Variants in BAG4 observed in about 807,000 individuals in gnomAD.
The protein encoded by BAG4 is BAG cochaperone 4.
BAG4 carries 28 observed loss-of-function variants against 52.1 expected under a neutral mutation model. That is an observed-to-expected ratio of 0.54 (90% confidence interval 0.40 to 0.74). The LOEUF (loss-of-function observed/expected upper bound fraction) is 0.74, where lower values mean the gene tolerates loss of function less well. BAG4 is among the 30% of genes least tolerant of loss of function. BAG4 has a pLI of 0.00. For synonymous variants in BAG4, 208 were observed against 217.0 expected, an observed-to-expected ratio of 0.96 and a Z score of 0.37; for missense variants, 525 against 572.0, an observed-to-expected ratio of 0.92 and a Z score of 0.84.
chr8:38,206,451 G>A (rs1803770911), intron 2 of BAG4, among the ~76,000 whole-genome samples: 3 of 151,938 alleles, frequency 2.0e-5, no homozygotes, highest in Admixed American at 6.6e-5. Flanking sequence ...TATATGAGGA[G>A]TTTGTTGTTG....
intron 2 of BAG4, chr8:38,201,868 ATATATATATATATTTTTTTTTT>A (rs1473266652): frequency 2.5e-3 from 16 of 6,474 alleles, no homozygotes; most frequent in Non-Finnish European, 4.0e-3. Context: ...ATATATATAT[ATATATATATATATTTTTTTTTT>A]TTTTTTTTTT....
Position 38,210,255 on chromosome 8 carries a change from G to C in BAG4, c.1136G>C (p.Ser379Thr). 3 of 1,614,068 alleles carry C rather than the reference G, an allele frequency of 1.9e-6. No individual in the cohort carries two copies. Among genetic ancestry groups the C allele is most frequent in the South Asian group, 1.1e-5 (1 of 91,080 alleles). ...CCTTCAGATGAAAGTACTCCTCCGA[G>C]TATTAAAAAAATCATACATGTGCTG... is the stretch of plus-strand genomic sequence containing the variant. The part of the protein sequence containing the change: ...CVPSDESTPP[S>T]IKKIIHVLEK... Residue 379 changes from serine (S) to threonine (T), a missense_variant, in exon 5 of 5, where the codon AGT (serine) becomes ACT (threonine). By Grantham distance (58) the Ser-to-Thr change is moderately conservative (BLOSUM62 1). This residue lies in a region of BAG4 where 238 missense variants were observed against 305.8 expected (regional missense o/e 0.78). Coordinates refer to ENST00000287322, the MANE Select transcript of BAG4 (RefSeq NM_004874.4).
At chr8:38,196,033 G>A (rs1315954502) in intron 2 of BAG4, among the ~76,000 whole-genome samples, 1 of 152,140 alleles carries the variant, frequency 6.6e-6, no homozygotes, top group Non-Finnish European at 1.5e-5. Context: ...TTCTGTCACT[G>A]TGTAATGTTT....
Position 38,176,965 on chromosome 8 carries a change from A to C in BAG4, c.96A>C (p.Pro32=), listed in dbSNP as rs1335521704. 7 of 1,570,832 alleles carry C rather than the reference A, an allele frequency of 4.5e-6. No individual in the cohort carries two copies. The highest frequency in any genetic ancestry group is 3.7e-5 in the Admixed American group (2 of 53,588). Residue 32 remains proline (P), a synonymous_variant, in exon 1 of 5, where the codon CCA becomes CCC. Coordinates refer to ENST00000287322, the MANE Select transcript of BAG4 (RefSeq NM_004874.4). ...GPGGGDVPVH[P]PPPLYPLRPE... is the part of the protein sequence containing the mutation. ...GGGGTGGAGATGTGCCGGTACACCC[A>C]CCTCCACCCTTATATCCTCTTCGCC...
At chr8:38,208,975 T>C in intron 3 of BAG4, 38 bp from the exon 4 acceptor site, 1 of 1,583,290 alleles carries the variant, frequency 6.3e-7, no homozygotes, top group Non-Finnish European at 8.6e-7. Context: ...ATTATAAGTT[T>C]TTCACAATGA....
chr8:38,186,214 C>T (rs1337931895), intron 1 of BAG4, among the ~76,000 whole-genome samples: 1 of 152,144 alleles, frequency 6.6e-6, no homozygotes, highest in Non-Finnish European at 1.5e-5. Flanking sequence ...GGGCAAGGCA[C>T]TGCTGAAAAT....
Position 38,210,101 on chromosome 8 carries a change from A to C in BAG4, c.982A>C (p.Asn328His). Reference protein sequence around the residue: ...VHQYESSGTVNNDDSDLLDSQ... With the variant: ...VHQYESSGTVHNDDSDLLDSQ... ...TCAGTACGAATCCTCGGGGACAGTG[A>C]ACAATGATGATTCAGATCTTTTGGA... Residue 328 changes from asparagine to histidine, a missense_variant, in exon 5 of 5, where the codon AAC becomes CAC. Asn to His is a moderately conservative substitution (Grantham distance 68). Around this residue, in one of 2 missense-constraint regions of BAG4, gnomAD observed 238 missense variants for 305.8 expected, o/e 0.78. Coordinates refer to ENST00000287322, the MANE Select transcript of BAG4 (RefSeq NM_004874.4). 1 of 1,614,180 alleles carries C rather than the reference A, an allele frequency of 6.2e-7. No individual in the cohort carries two copies. Among genetic ancestry groups the C allele is most frequent in the Non-Finnish European group, 8.5e-7 (1 of 1,180,042 alleles).
At chr8:38,181,738 G>GA (rs34310289) in intron 1 of BAG4, among the ~76,000 whole-genome samples, 2 of 151,318 alleles carry the variant, frequency 1.3e-5, no homozygotes, top group Non-Finnish European at 3.0e-5. Flanking sequence ...CCTTGTCCCA[G>GA]AAAAAGAAAA....
intron 1 of BAG4, among the ~76,000 whole-genome samples, chr8:38,177,802 T>G (rs950891900): frequency 6.6e-6 from 1 of 152,114 alleles, no homozygotes; most frequent in African/African-American, 2.4e-5. Flanking sequence ...CCTGCAACAT[T>G]TTATTCTCCG....
At chr8:38,184,898 G>T (rs1181193492) in intron 1 of BAG4, among the ~76,000 whole-genome samples, 2 of 152,100 alleles carry the variant, frequency 1.3e-5, no homozygotes, top group Non-Finnish European at 2.9e-5. Flanking sequence ...AGACCATCCT[G>T]GCCAACATGG....
At chr8:38,202,406 C>T (rs1049583595) in intron 2 of BAG4, among the ~76,000 whole-genome samples, 2 of 152,132 alleles carry the variant, frequency 1.3e-5, no homozygotes, top group East Asian at 3.9e-4. Context: ...GCTGGGACTA[C>T]AGGCACATGC....
intron 2 of BAG4, among the ~76,000 whole-genome samples, chr8:38,193,481 T>C (rs1036534013): frequency 6.6e-6 from 1 of 152,216 alleles, no homozygotes; most frequent in African/African-American, 2.4e-5. Flanking sequence ...AATTTCTGTT[T>C]GCCACATTTG....
rs1431117446 is a variant in BAG4 at position 38,211,651 on chromosome 8, T to G, written c.*1158T>G. ...ATCAGCCATAGTTAGAGTGGGAAAT[T>G]ATTATTTTCTTCATTTAAAGGTAGA... On this transcript the variant is annotated 3_prime_UTR_variant, in exon 5 of 5. Transcript: ENST00000287322. 6.6e-6 allele frequency: 1 copy of G among 152,056 alleles called. No homozygotes were observed. Among genetic ancestry groups the G allele is most frequent in the African/African-American group, 2.4e-5 (1 of 41,428 alleles). 9.4% of individuals were successfully genotyped at this position (152,056 alleles called of 1,614,324 possible).
At chr8:38,178,172 T>A (rs1194615628) in intron 1 of BAG4, among the ~76,000 whole-genome samples, 1 of 151,798 alleles carries the variant, frequency 6.6e-6, no homozygotes, top group Non-Finnish European at 1.5e-5. Context: ...TTTTTTTTTT[T>A]TGAGTTGGAG....
chr8:38,186,343 C>T (rs958789190), intron 1 of BAG4, among the ~76,000 whole-genome samples: 1 of 152,114 alleles, frequency 6.6e-6, no homozygotes, highest in African/African-American at 2.4e-5. Flanking sequence ...ATAAACACAC[C>T]ATTGTCCCCA....
chr8:38,201,916 C>T (rs1803686187), intron 2 of BAG4: 1 of 78,048 alleles, frequency 1.3e-5, no homozygotes. Context: ...TTTTAAGAAG[C>T]TGTTAATGTT....
intron 1 of BAG4, among the ~76,000 whole-genome samples, chr8:38,182,689 G>GT (rs1486556677): frequency 1.3e-5 from 2 of 152,104 alleles, no homozygotes; most frequent in African/African-American, 4.8e-5. Context: ...GCTTCAGCCA[G>GT]TTTCCTGTGA....
chr8:38,209,861 A>C (rs776995956), intron 4 of BAG4, 147 bp from the exon 5 acceptor site: 46 of 1,148,914 alleles, frequency 4.0e-5, no homozygotes, highest in Non-Finnish European at 5.3e-5. Context: ...TTTTTTGCAA[A>C]TGATTAAGGA....
At chr8:38,200,473 ACT>A (rs751710873) in intron 2 of BAG4, among the ~76,000 whole-genome samples, 7 of 151,310 alleles carry the variant, frequency 4.6e-5, no homozygotes, top group Non-Finnish European at 8.8e-5. Flanking sequence ...AAAGAGATGG[ACT>A]CTCTCTCTCT....
Sources: gnomAD v4.1 joint callset for allele counts (sites outside exome capture counted in the v4.1 genomes callset) on GRCh38, gnomAD v4.1.1 for gene constraint, gnomAD v4.1.1 regional missense constraint, MANE v1.5 for transcripts, NCBI Gene and HGNC (gene_info 2026-07-23, HGNC 2026-07-21) for gene names.